Variants in CTNNA3 observed in about 807,000 individuals in gnomAD.
CTNNA3 encodes catenin alpha 3, also known as catenin alpha-3.
CTNNA3 carries 76 observed loss-of-function variants against 95.7 expected under a neutral mutation model. The observed-to-expected ratio is 0.79, with a 90% CI of 0.66 to 0.96. The LOEUF is 0.96. Ranked by LOEUF, CTNNA3 falls within the 40% of genes least tolerant of loss-of-function variation. The pLI is 0.00. For synonymous variants in CTNNA3, 431 were observed against 374.4 expected (o/e 1.15, Z -1.74); for missense variants, 1,191 against 1,089.8 (o/e 1.09, Z -1.31).
intron 12 of CTNNA3, among the ~76,000 whole-genome samples, chr10:66,370,392 G>T (rs1257769889): frequency 6.6e-6 from 1 of 152,294 alleles, no homozygotes; most frequent in African/African-American, 2.4e-5. Context: ...ATGGAAGAGA[G>T]AAGCCTTCTG....
intron 3 of CTNNA3, among the ~76,000 whole-genome samples, chr10:67,560,483 G>A (rs539734287): frequency 6.3e-4 from 96 of 152,262 alleles, no homozygotes; most frequent in Non-Finnish European, 1.2e-3. Context: ...AGCTCCTGAA[G>A]GAAGCACTAA....
intron 9 of CTNNA3, among the ~76,000 whole-genome samples, chr10:66,745,764 T>C (rs930673283): frequency 4.0e-5 from 6 of 150,724 alleles, no homozygotes; most frequent in Admixed American, 6.6e-5. Context: ...TATTTTTTTT[T>C]TTTTTTTTGT....
chr10:67,420,460 T>C (rs912155497), intron 5 of CTNNA3, among the ~76,000 whole-genome samples: 3 of 152,296 alleles, frequency 2.0e-5, no homozygotes, highest in African/African-American at 7.2e-5. Flanking sequence ...CTCTGCCTTT[T>C]CCAGCTGCAT....
chr10:66,960,164 T>C (rs1849038931), intron 7 of CTNNA3, among the ~76,000 whole-genome samples: 1 of 152,180 alleles, frequency 6.6e-6, no homozygotes, highest in East Asian at 1.9e-4. Flanking sequence ...CAGATAACTT[T>C]ATTTTTCATA....
chr10:66,491,357 C>A (rs1839916222), intron 11 of CTNNA3, among the ~76,000 whole-genome samples: 1 of 152,132 alleles, frequency 6.6e-6, no homozygotes, highest in Non-Finnish European at 1.5e-5. Flanking sequence ...GGTAACATTT[C>A]TTGTTCTCCA....
intron 12 of CTNNA3, among the ~76,000 whole-genome samples, chr10:66,360,240 T>C (rs1211618103): frequency 6.6e-6 from 1 of 152,110 alleles, no homozygotes; most frequent in African/African-American, 2.4e-5. Flanking sequence ...CCCTCTATCA[T>C]GTAGCTTTAC....
At chr10:67,149,273 A>G (rs997042871) in intron 7 of CTNNA3, among the ~76,000 whole-genome samples, 6 of 152,274 alleles carry the variant, frequency 3.9e-5, no homozygotes, top group Admixed American at 2.6e-4. Flanking sequence ...AACTATAAGT[A>G]AGGGGACAGT....
intron 11 of CTNNA3, among the ~76,000 whole-genome samples, chr10:66,478,577 C>T (rs1233585681): frequency 1.3e-5 from 2 of 151,520 alleles, no homozygotes. Flanking sequence ...AAAAATATAG[C>T]TAATTTTTTA....
chr10:67,148,435 G>T (rs1282660851), intron 7 of CTNNA3, among the ~76,000 whole-genome samples: 1 of 152,162 alleles, frequency 6.6e-6, no homozygotes, highest in East Asian at 1.9e-4. Flanking sequence ...GATCATCTAG[G>T]TACCTCACAT....
intron 9 of CTNNA3, among the ~76,000 whole-genome samples, chr10:66,643,511 A>C (rs1845587059): frequency 6.6e-6 from 1 of 152,210 alleles, no homozygotes; most frequent in Non-Finnish European, 1.5e-5. Context: ...TCTTATTTCT[A>C]GTAGAGTTAA....
intron 7 of CTNNA3, among the ~76,000 whole-genome samples, chr10:66,896,583 G>A (rs370178529): frequency 6.6e-6 from 1 of 152,168 alleles, no homozygotes; most frequent in South Asian, 2.1e-4. Flanking sequence ...ACTGAATGAA[G>A]AGTGGTTTTT....
At chr10:66,355,459 C>G (rs1290935169) in intron 12 of CTNNA3, among the ~76,000 whole-genome samples, 3 of 152,004 alleles carry the variant, frequency 2.0e-5, no homozygotes, top group African/African-American at 7.2e-5. Flanking sequence ...TGACGCTTCC[C>G]TCTAACCCTT....
intron 9 of CTNNA3, among the ~76,000 whole-genome samples, chr10:66,680,930 G>T (rs1847046098): frequency 6.6e-6 from 1 of 152,108 alleles, no homozygotes; most frequent in South Asian, 2.1e-4. Flanking sequence ...AGCATTGAAG[G>T]AATTTTTTCT....
chr10:67,699,643 C>A (rs919857304), upstream of CTNNA3, among the ~76,000 whole-genome samples: 2 of 152,172 alleles, frequency 1.3e-5, no homozygotes, highest in Non-Finnish European at 2.9e-5. Flanking sequence ...GAAGGTGGAG[C>A]CAAGATGGCT....
chr10:66,507,118 A>T (rs988484824), intron 11 of CTNNA3, among the ~76,000 whole-genome samples: 2 of 152,192 alleles, frequency 1.3e-5, no homozygotes, highest in African/African-American at 2.4e-5. Flanking sequence ...TCAAATTTAG[A>T]TTAAAACTTT....
Position 67,391,146 on chromosome 10 carries a change from T to C in CTNNA3, c.579+130696A>G, listed in dbSNP as rs575959450. 1.1e-3 allele frequency among the ~76,000 whole-genome samples: 163 copies of C among 152,140 alleles called. 1 individual carries two copies. The highest frequency in any genetic ancestry group is 3.8e-3 in the African/African-American group (158 of 41,500). On this transcript the variant is annotated intron_variant, in intron 5 of 17. Coordinates refer to ENST00000433211, the MANE Select transcript of CTNNA3 (RefSeq NM_013266.4). ...TGTTTGCAGACGACATGATTGTATATCTAGAAACCCCATTGTCTCAGCCCA... is the reference window on the plus strand; with the variant it reads ...TGTTTGCAGACGACATGATTGTATACCTAGAAACCCCATTGTCTCAGCCCA...
intron 5 of CTNNA3, among the ~76,000 whole-genome samples, chr10:67,373,376 G>C (rs1392720045): frequency 6.6e-6 from 1 of 152,186 alleles, no homozygotes; most frequent in Non-Finnish European, 1.5e-5. Context: ...AAGAGACAAA[G>C]AAGGCCATTA....
At chr10:66,585,338 G>A (rs1347496161) in intron 10 of CTNNA3, among the ~76,000 whole-genome samples, 1 of 151,518 alleles carries the variant, frequency 6.6e-6, no homozygotes, top group Non-Finnish European at 1.5e-5. Context: ...CTTATGTTTG[G>A]CCATTTTATA....
chr10:66,409,042 C>T (rs1219732623), intron 11 of CTNNA3, among the ~76,000 whole-genome samples: 1 of 152,132 alleles, frequency 6.6e-6, no homozygotes, highest in Non-Finnish European at 1.5e-5. Context: ...TGGAGTTATC[C>T]TATCAGCCAA....
Sources: allele counts gnomAD v4.1 joint callset (sites outside exome capture counted in the v4.1 genomes callset), GRCh38; gene constraint gnomAD v4.1.1; transcripts MANE v1.5; gene names NCBI Gene and HGNC (gene_info 2026-07-23, HGNC 2026-07-21).